Variants in PHACTR1 observed in about 807,000 individuals in gnomAD.
PHACTR1 encodes the protein phosphatase and actin regulator 1.
In PHACTR1, 16 loss-of-function variants were observed where a neutral mutation model predicts 69.2. That is an observed-to-expected ratio of 0.23 (90% CI 0.16 to 0.35). The LOEUF (loss-of-function observed/expected upper bound fraction) is 0.35, where lower values mean the gene tolerates loss of function less well. PHACTR1 is among the 10% of genes least tolerant of loss of function. PHACTR1 has a pLI of 1.00. For synonymous variants in PHACTR1, 312 were observed against 284.5 expected, an observed-to-expected ratio of 1.10 and a Z score of -0.97; for missense variants, 510 against 734.7, an observed-to-expected ratio of 0.69 and a Z score of 3.54.
At chr6:13,066,582 A>G (rs530113363) in intron 5 of PHACTR1, among the ~76,000 whole-genome samples, 8 of 152,260 alleles carry the variant, frequency 5.3e-5, no homozygotes, top group South Asian at 4.2e-4. Flanking sequence ...AAACCCCCTA[A>G]AACATAATGG....
chr6:12,771,004 G>A lies in PHACTR1; in HGVS notation c.250+21214G>A, dbSNP rs77623315. On this transcript the variant is annotated intron_variant, in intron 4 of 14. Transcript: ENST00000332995. ...AAAGCTGGTAGGACTGGAACCTGTCGTGGGACCAAGGACATGCAAAGGATG... is the reference window on the plus strand; with the variant it reads ...AAAGCTGGTAGGACTGGAACCTGTCATGGGACCAAGGACATGCAAAGGATG... 6.6e-3 allele frequency among the ~76,000 whole-genome samples: 1,003 copies of A among 152,284 alleles called. 4 individuals carry two copies. Among genetic ancestry groups the A allele is most frequent in the Non-Finnish European group, 0.011 (734 of 68,018 alleles).
At chr6:12,776,148 A>G (rs1187672159) in intron 4 of PHACTR1, among the ~76,000 whole-genome samples, 1 of 152,222 alleles carries the variant, frequency 6.6e-6, no homozygotes, top group African/African-American at 2.4e-5. Context: ...TTATTTCTGT[A>G]TCTTTTGGCT....
intron 3 of PHACTR1, among the ~76,000 whole-genome samples, chr6:12,729,184 A>G (rs1763171879): frequency 6.6e-6 from 1 of 152,186 alleles, no homozygotes; most frequent in Non-Finnish European, 1.5e-5. Flanking sequence ...TGGAGACACG[A>G]AACAGCCTTA....
At chr6:12,780,418 A>G (rs1234859444) in intron 4 of PHACTR1, among the ~76,000 whole-genome samples, 2 of 152,174 alleles carry the variant, frequency 1.3e-5, no homozygotes, top group African/African-American at 4.8e-5. Flanking sequence ...TGCAATTATG[A>G]GCTTAAATTG....
rs1260117597 is a variant in PHACTR1 at position 12,723,942 on chromosome 6, T to A, written c.103+5095T>A. Among the ~76,000 whole-genome samples, 2 of 152,216 alleles carry A rather than the reference T, an allele frequency of 1.3e-5. 1 individual carries two copies. The highest frequency in any genetic ancestry group is 3.8e-4 in the East Asian group (2 of 5,196). On this transcript the variant is annotated intron_variant, in intron 3 of 14. Coordinates refer to ENST00000332995, the MANE Select transcript of PHACTR1 (RefSeq NM_030948.6). ...TGTTTCATAGTAAAAGGTTTCAGCA[T>A]CATGCAGCTATTCTTCCCCGAATAA...
chr6:13,064,834 A>G lies in PHACTR1; in HGVS notation c.415+11305A>G, dbSNP rs184515408. 2.0e-5 allele frequency among the ~76,000 whole-genome samples: 3 copies of G among 151,438 alleles called. No homozygotes were observed. In the East Asian group the frequency reaches 5.9e-4, roughly 30 times the overall value. On this transcript the variant is annotated intron_variant, in intron 5 of 14. Transcript: ENST00000332995. ...TGGGCTCAAGGAACGCAAAAAGTCAACTTGATTTTTGTGATTGTCTATTGT... is the reference window on the plus strand; with the variant it reads ...TGGGCTCAAGGAACGCAAAAAGTCAGCTTGATTTTTGTGATTGTCTATTGT...
chr6:13,272,424 C>T (rs747325571), intron 10 of PHACTR1: 70 of 182,774 alleles, frequency 3.8e-4, no homozygotes, highest in Admixed American at 2.1e-3. Context: ...GGCCACAGAC[C>T]TCTTTATGTT....
At chr6:13,024,580 A>G (rs1483288896) in intron 4 of PHACTR1, among the ~76,000 whole-genome samples, 1 of 152,148 alleles carries the variant, frequency 6.6e-6, no homozygotes, top group African/African-American at 2.4e-5. Flanking sequence ...ACAGGAGCTC[A>G]TCATCCTCAA....
intron 4 of PHACTR1, among the ~76,000 whole-genome samples, chr6:13,017,822 C>G (rs1283424814): frequency 2.0e-5 from 3 of 151,732 alleles, no homozygotes; most frequent in Non-Finnish European, 4.4e-5. Context: ...TATCTTGAAG[C>G]CTCTCAGTCT....
chr6:12,757,732 T>C (rs1767502393), intron 4 of PHACTR1, among the ~76,000 whole-genome samples: 2 of 152,070 alleles, frequency 1.3e-5, no homozygotes, highest in African/African-American at 4.8e-5. Flanking sequence ...GAACGATCAT[T>C]TGGGGGCACG....
intron 4 of PHACTR1, among the ~76,000 whole-genome samples, chr6:12,886,085 A>C (rs970612469): frequency 1.3e-5 from 2 of 151,978 alleles, no homozygotes; most frequent in Non-Finnish European, 2.9e-5. Flanking sequence ...ACAGGGTGAG[A>C]CTCCATCTCT....
At chr6:12,936,967 G>A (rs757350214) in intron 4 of PHACTR1, among the ~76,000 whole-genome samples, 4 of 152,084 alleles carry the variant, frequency 2.6e-5, no homozygotes, top group Non-Finnish European at 5.9e-5. Flanking sequence ...TCACATCAGA[G>A]CCAATGTATT....
chr6:13,162,052 A>G (rs1474329089), intron 6 of PHACTR1, among the ~76,000 whole-genome samples: 1 of 151,846 alleles, frequency 6.6e-6, no homozygotes, highest in Non-Finnish European at 1.5e-5. Flanking sequence ...GCATTTCTTC[A>G]ATGTCTTGCT....
chr6:12,852,593 A>G (rs2127760622), intron 4 of PHACTR1, among the ~76,000 whole-genome samples: 1 of 152,262 alleles, frequency 6.6e-6, no homozygotes, highest in South Asian at 2.1e-4. Context: ...ATTTATATTT[A>G]CTGATATATT....
chr6:12,864,685 G>GA (rs11304795), intron 4 of PHACTR1, among the ~76,000 whole-genome samples: 9 of 141,462 alleles, frequency 6.4e-5, no homozygotes, highest in African/African-American at 1.3e-4. Flanking sequence ...GTCTCATAAA[G>GA]AAAAAAAAAA....
intron 8 of PHACTR1, among the ~76,000 whole-genome samples, chr6:13,209,193 G>A (rs2113897041): frequency 6.6e-6 from 1 of 152,296 alleles, no homozygotes; most frequent in East Asian, 1.9e-4. Flanking sequence ...TCTCAAAATA[G>A]GCCAAGGTCA....
At chr6:12,821,472 A>G (rs1460579852) in intron 4 of PHACTR1, among the ~76,000 whole-genome samples, 1 of 103,848 alleles carries the variant, frequency 9.6e-6, no homozygotes, top group African/African-American at 3.7e-5. Context: ...CAAAAAAAAA[A>G]AAAAAAAAAA....
chr6:13,139,216 G>A (rs1346056087), intron 5 of PHACTR1, among the ~76,000 whole-genome samples: 1 of 151,776 alleles, frequency 6.6e-6, no homozygotes, highest in African/African-American at 2.4e-5. Flanking sequence ...TACAACAGGG[G>A]TTAACAAACT....
chr6:12,952,010 G>T (rs1263307776), intron 4 of PHACTR1, among the ~76,000 whole-genome samples: 1 of 152,108 alleles, frequency 6.6e-6, no homozygotes, highest in Non-Finnish European at 1.5e-5. Flanking sequence ...CATTGCACTC[G>T]AGCCAGTGAG....
Sources: allele counts gnomAD v4.1 joint callset (sites outside exome capture counted in the v4.1 genomes callset), GRCh38; gene constraint gnomAD v4.1.1; transcripts MANE v1.5; gene names NCBI Gene and HGNC (gene_info 2026-07-23, HGNC 2026-07-21).